The following SPATS2L variants were observed in gnomAD, a reference collection of about 807,000 sequenced individuals.
The protein encoded by SPATS2L is SPATS2-like protein.
In SPATS2L, 30 loss-of-function variants were observed where a neutral mutation model predicts 59.6. That is an observed-to-expected ratio of 0.50 (90% CI 0.38 to 0.68). The LOEUF is 0.68. Ranked by LOEUF, SPATS2L falls within the 30% of genes least tolerant of loss-of-function variation. SPATS2L has a pLI of 0.00. For synonymous variants in SPATS2L, 252 were observed against 263.5 expected, an observed-to-expected ratio of 0.96 and a Z score of 0.42; for missense variants, 615 against 700.0, an observed-to-expected ratio of 0.88 and a Z score of 1.37.
At chr2:200,364,998 A>G (rs979712138) in intron 2 of SPATS2L, among the ~76,000 whole-genome samples, 2 of 152,182 alleles carry the variant, frequency 1.3e-5, no homozygotes, top group Non-Finnish European at 2.9e-5. Context: ...AATCTTCGCA[A>G]TCTGACATTC....
intron 6 of SPATS2L, among the ~76,000 whole-genome samples, chr2:200,422,120 T>C (rs1484301316): frequency 6.6e-6 from 1 of 152,242 alleles, no homozygotes; most frequent in Non-Finnish European, 1.5e-5. Flanking sequence ...AATTATTTCT[T>C]GCACAGTGAT....
intron 2 of SPATS2L, among the ~76,000 whole-genome samples, chr2:200,383,469 TAG>T (rs2081891641): frequency 6.6e-6 from 1 of 152,222 alleles, no homozygotes; most frequent in African/African-American, 2.4e-5. Flanking sequence ...CACTTTAGAC[TAG>T]CCACATTCAA....
intron 2 of SPATS2L, among the ~76,000 whole-genome samples, chr2:200,388,141 G>A (rs934349085): frequency 6.6e-6 from 1 of 152,180 alleles, no homozygotes; most frequent in African/African-American, 2.4e-5. Flanking sequence ...AATCTGGAAT[G>A]TTGCTCATGA....
At chr2:200,463,899 G>T (rs927756535) in intron 9 of SPATS2L, among the ~76,000 whole-genome samples, 7 of 152,338 alleles carry the variant, frequency 4.6e-5, no homozygotes, top group African/African-American at 9.6e-5. Flanking sequence ...TCTGCTGAGG[G>T]TTATTGTTTT....
intron 6 of SPATS2L, among the ~76,000 whole-genome samples, chr2:200,422,761 GT>G (rs958118008): frequency 2.6e-4 from 40 of 151,970 alleles, no homozygotes; most frequent in African/African-American, 9.4e-4. Context: ...CACGTACACT[GT>G]TTTTTTCCTG....
intron 8 of SPATS2L, among the ~76,000 whole-genome samples, chr2:200,453,098 G>A (rs897560942): frequency 2.0e-5 from 3 of 152,170 alleles, no homozygotes; most frequent in African/African-American, 7.2e-5. Context: ...GCATGGGACA[G>A]ACAGACATTT....
chr2:200,470,972 A>G (rs1487730008), intron 11 of SPATS2L, among the ~76,000 whole-genome samples: 1 of 152,106 alleles, frequency 6.6e-6, no homozygotes, highest in Non-Finnish European at 1.5e-5. Flanking sequence ...CAGCCTAGCC[A>G]ATATGGTAAA....
chr2:200,321,958 A>C (rs959103961), intron 1 of SPATS2L, among the ~76,000 whole-genome samples: 1 of 152,186 alleles, frequency 6.6e-6, no homozygotes, highest in Non-Finnish European at 1.5e-5. Flanking sequence ...CAGATTTCAA[A>C]GCTTATGCTT....
intron 6 of SPATS2L, among the ~76,000 whole-genome samples, chr2:200,434,195 T>G (rs1009129325): frequency 2.0e-4 from 31 of 151,930 alleles, no homozygotes; most frequent in Admixed American, 1.8e-3. Context: ...AACAATAATA[T>G]GATCATCTCA....
intron 1 of SPATS2L, chr2:200,309,073 A>C (rs1384766637): frequency 1.4e-6 from 1 of 718,048 alleles, no homozygotes; most frequent in South Asian, 1.5e-5. Context: ...GAAGCATTTT[A>C]TGGACCCGTT....
rs184473869 is a variant in SPATS2L, at chr2:200,426,721, C to T, written c.445+7225C>T. Among the ~76,000 whole-genome samples, 48 of 152,172 alleles carry T rather than the reference C, an allele frequency of 3.2e-4. 3 individuals carry two copies. The East Asian group carries it at 3.5e-3, about 11-fold the overall frequency. ...CAGCCTGCGCAATGAAGCAAGACCC[C>T]GCCTCAAAAAATAAAAATAAAGTTT... On this transcript the variant is annotated intron_variant, in intron 6 of 12. Transcript: ENST00000409140.
At chr2:200,399,859 C>A (rs990713054) in intron 3 of SPATS2L, among the ~76,000 whole-genome samples, 2 of 152,006 alleles carry the variant, frequency 1.3e-5, no homozygotes, top group Non-Finnish European at 2.9e-5. Context: ...CTGGTATTGA[C>A]TAAAAAATAA....
intron 2 of SPATS2L, among the ~76,000 whole-genome samples, chr2:200,349,266 G>T (rs533974136): frequency 1.0e-3 from 159 of 152,162 alleles, no homozygotes; most frequent in African/African-American, 3.8e-3. Context: ...GGACCCTAGG[G>T]TCATAAGCCT....
chr2:200,386,839 CT>C, intron 2 of SPATS2L, among the ~76,000 whole-genome samples: 1 of 152,288 alleles, frequency 6.6e-6, no homozygotes, highest in East Asian at 1.9e-4. Context: ...CTCCATCCCC[CT>C]CTCATACACA....
intron 12 of SPATS2L, among the ~76,000 whole-genome samples, chr2:200,473,315 C>T (rs1257674755): frequency 6.6e-6 from 1 of 152,108 alleles, no homozygotes; most frequent in Non-Finnish European, 1.5e-5. Context: ...GAGCAGAGTC[C>T]ACCCCAGTGA....
At chr2:200,420,886 A>G (rs187475730) in intron 6 of SPATS2L, among the ~76,000 whole-genome samples, 81 of 152,088 alleles carry the variant, frequency 5.3e-4, no homozygotes, top group African/African-American at 1.9e-3. Flanking sequence ...CCCCAACCCC[A>G]CCGCCAACAC....
At chr2:200,469,357 T>G (rs1170270092) in intron 10 of SPATS2L, among the ~76,000 whole-genome samples, 1 of 152,216 alleles carries the variant, frequency 6.6e-6, no homozygotes, top group African/African-American at 2.4e-5. Flanking sequence ...TTTCTGTATT[T>G]CTCACCATGT....
chr2:200,387,140 G>A lies in SPATS2L; in HGVS notation c.-22-2083G>A, dbSNP rs145307613. Among the ~76,000 whole-genome samples the A allele has an allele frequency of 3.1e-3, 465 of 152,324 alleles. 6 individuals carry two copies. The highest frequency in any genetic ancestry group is 0.011 in the African/African-American group (446 of 41,570). On this transcript the variant is annotated intron_variant, in intron 2 of 12. Transcript: ENST00000409140. ...TCTTTACAAACGAGTAACTTTCAGGGTCAGGAATAAGTGAAAATAAAATTC... is the reference window on the plus strand; with the variant it reads ...TCTTTACAAACGAGTAACTTTCAGGATCAGGAATAAGTGAAAATAAAATTC...
intron 2 of SPATS2L, among the ~76,000 whole-genome samples, chr2:200,362,649 C>A (rs1241013654): frequency 6.6e-6 from 1 of 152,130 alleles, no homozygotes; most frequent in Non-Finnish European, 1.5e-5. Flanking sequence ...TTTAGATGGG[C>A]GATTGTGCAC....
Sources: gnomAD v4.1 joint callset for allele counts (sites outside exome capture counted in the v4.1 genomes callset) on GRCh38, gnomAD v4.1.1 for gene constraint, MANE v1.5 for transcripts, NCBI Gene and HGNC (gene_info 2026-07-23, HGNC 2026-07-21) for gene names.